Variants in EYA2 observed in about 807,000 individuals in gnomAD.
EYA2 encodes the protein EYA transcriptional coactivator and phosphatase 2.
A neutral mutation model predicts 69.2 loss-of-function variants in EYA2; 31 were observed. The observed-to-expected ratio is 0.45, with a 90% CI of 0.34 to 0.60. EYA2 has a LOEUF of 0.60. EYA2 is among the 20% of genes least tolerant of loss of function. The pLI is 0.02. For missense variants in EYA2, 622 were observed against 701.2 expected (o/e 0.89, Z 1.28); for synonymous variants, 257 against 279.4 (o/e 0.92, Z 0.80).
chr20:47,143,321 G>C (rs1332879827), intron 10 of EYA2, among the ~76,000 whole-genome samples, 173 bp downstream of exon 10: 1 of 152,162 alleles, frequency 6.6e-6, no homozygotes, highest in South Asian at 2.1e-4. Flanking sequence ...AACTGTGGCC[G>C]GTGATGGTTT....
chr20:47,010,487 T>C (rs1028833415), intron 4 of EYA2, among the ~76,000 whole-genome samples: 2 of 152,126 alleles, frequency 1.3e-5, no homozygotes, highest in Non-Finnish European at 2.9e-5. Flanking sequence ...CAAGAACTAC[T>C]GGGCGTGGTG....
In EYA2 at chr20:47,059,581, C is replaced by T. The variant is rs1240670491; in HGVS notation, c.416-12604C>T. On this transcript the variant is annotated intron_variant, in intron 5 of 15. Transcript: ENST00000327619. The stretch of plus-strand genomic sequence containing the variant: ...GGCCAGGCTGGTCTCGAACTCCTGA[C>T]CTCGTGATCCACCTGCCTTGGCCTC... 3.3e-5 allele frequency among the ~76,000 whole-genome samples: 5 copies of T among 152,332 alleles called. No individual in the cohort carries two copies. The East Asian group carries it at 9.6e-4, about 29-fold the overall frequency.
At chr20:47,027,182 G>A (rs1256078485) in intron 5 of EYA2, among the ~76,000 whole-genome samples, 1 of 152,220 alleles carries the variant, frequency 6.6e-6, no homozygotes, top group Non-Finnish European at 1.5e-5. Flanking sequence ...GTTGAGAGTG[G>A]AGCCCAGTGG....
Position 46,974,117 on chromosome 20 carries a change from A to G in EYA2, c.-10-15884A>G, listed in dbSNP as rs372048230. Among the ~76,000 whole-genome samples the G allele has an allele frequency of 6.6e-5, 10 of 152,262 alleles. No individual in the cohort carries two copies. The South Asian group carries it at 8.3e-4, about 13-fold the overall frequency. On this transcript the variant is annotated intron_variant, in intron 1 of 15. Transcript: ENST00000327619. ...ATCAGTAAAATGGGATTAAAGTTCT[A>G]TAGGGGCTATTGGGAAGATTAAGGG...
At chr20:47,173,746 C>T (rs1018034051) in intron 12 of EYA2, among the ~76,000 whole-genome samples, 8 of 152,130 alleles carry the variant, frequency 5.3e-5, no homozygotes, top group East Asian at 1.9e-4. Flanking sequence ...TTGACAAGCC[C>T]GCCAGGTGAC....
intron 1 of EYA2, among the ~76,000 whole-genome samples, chr20:46,925,663 A>T (rs966748444): frequency 1.3e-5 from 2 of 152,240 alleles, no homozygotes; most frequent in Non-Finnish European, 2.9e-5. Flanking sequence ...AAGTTTATGA[A>T]CATACTCTGC....
intron 5 of EYA2, among the ~76,000 whole-genome samples, chr20:47,018,311 A>C (rs1322497214): frequency 6.6e-6 from 1 of 152,202 alleles, no homozygotes; most frequent in East Asian, 1.9e-4. Flanking sequence ...TCATTCATTC[A>C]TTCATTCATT....
chr20:47,067,688 G>T (rs2031167873), intron 5 of EYA2, among the ~76,000 whole-genome samples: 1 of 152,100 alleles, frequency 6.6e-6, no homozygotes, highest in African/African-American at 2.4e-5. Context: ...TATCTTAAAT[G>T]ACTTTATTTA....
intron 10 of EYA2, among the ~76,000 whole-genome samples, chr20:47,165,217 G>T (rs183302549): frequency 2.0e-5 from 3 of 152,152 alleles, no homozygotes; most frequent in Admixed American, 6.5e-5. Flanking sequence ...GGGTATCATC[G>T]TGCTTGACTA....
Position 47,188,070 on chromosome 20 carries a change from G to A in EYA2, c.1554G>A (p.Trp518Ter). The change falls in exon 16 of 16, where the codon TGG becomes TGA. Residue 518 changes from tryptophan (W) to a stop codon, truncating the protein, a stop_gained. Coordinates refer to ENST00000327619, the MANE Select transcript of EYA2 (RefSeq NM_005244.5). LOFTEE classifies it high-confidence loss of function. ...QGAKKHNMPF[W>*]RISCHADLEA... ...TGTTTCAGCACAACATGCCTTTCTG[G>A]CGGATATCCTGCCACGCAGACCTGG... is the stretch of plus-strand genomic sequence containing the variant. 1 of 1,577,896 alleles carries A rather than the reference G, an allele frequency of 6.3e-7. No homozygotes were observed. The highest frequency in any genetic ancestry group is 8.6e-7 in the Non-Finnish European group (1 of 1,161,728).
At chr20:46,932,255 C>A (rs938958246) in intron 1 of EYA2, among the ~76,000 whole-genome samples, 4 of 152,084 alleles carry the variant, frequency 2.6e-5, no homozygotes, top group Non-Finnish European at 4.4e-5. Flanking sequence ...ACCTGGCGTA[C>A]CCTCTTTTAT....
intron 1 of EYA2, among the ~76,000 whole-genome samples, chr20:46,971,865 G>T (rs1158699193): frequency 6.6e-6 from 1 of 152,150 alleles, no homozygotes; most frequent in Non-Finnish European, 1.5e-5. Context: ...CATTTCGCTG[G>T]TACTCATTGC....
At position 47,152,112 on chromosome 20, in the gene EYA2, G is replaced by A. The variant is rs2033834383; in HGVS notation, c.978+8964G>A. Among the ~76,000 whole-genome samples, 3 of 152,096 alleles carry A rather than the reference G, an allele frequency of 2.0e-5. No homozygotes were observed. The South Asian group carries it at 6.3e-4, about 32-fold the overall frequency. The stretch of plus-strand genomic sequence containing the variant: ...TTCTCGACGAAGAGCTCAGATTCCT[G>A]CCAGCACTTAATTCTCACCTCCTAT... On this transcript the variant is annotated intron_variant, in intron 10 of 15. Transcript: ENST00000327619.
At chr20:46,938,139 T>C (rs2146259420) in intron 1 of EYA2, among the ~76,000 whole-genome samples, 1 of 152,320 alleles carries the variant, frequency 6.6e-6, no homozygotes, top group Non-Finnish European at 1.5e-5. Flanking sequence ...TCTCTTTTTC[T>C]CCCCAGCTCT....
intron 1 of EYA2, among the ~76,000 whole-genome samples, chr20:46,962,507 G>A (rs1979536552): frequency 6.6e-6 from 1 of 151,886 alleles, no homozygotes; most frequent in Non-Finnish European, 1.5e-5. Context: ...ATTCCACATA[G>A]GCCCAGGTGC....
chr20:47,173,932 C>T (rs1435529747), intron 12 of EYA2, among the ~76,000 whole-genome samples: 2 of 152,210 alleles, frequency 1.3e-5, no homozygotes, highest in Admixed American at 6.5e-5. Flanking sequence ...GAGACCCGCC[C>T]CCTGGCTTCA....
intron 1 of EYA2, among the ~76,000 whole-genome samples, chr20:46,912,153 C>T (rs557211541): frequency 6.6e-6 from 1 of 152,210 alleles, no homozygotes; most frequent in East Asian, 1.9e-4. Flanking sequence ...GACCAAATGA[C>T]CTCTGGATGT....
rs2034687158 is a variant in EYA2 at position 47,188,239 on chromosome 20, G to A, written c.*106G>A. ...ACCCAGATGTTGGACACCAGGAAGGGGCCCCACAGCCGAGACGACGTGTCC... is the reference window on the plus strand; with the variant it reads ...ACCCAGATGTTGGACACCAGGAAGGAGCCCCACAGCCGAGACGACGTGTCC... On this transcript the variant is annotated 3_prime_UTR_variant, in exon 16 of 16. Coordinates refer to ENST00000327619, the MANE Select transcript of EYA2 (RefSeq NM_005244.5). 8.9e-7 allele frequency: 1 copy of A among 1,125,394 alleles called. No homozygotes were observed. The highest frequency in any genetic ancestry group is 1.3e-5 in the South Asian group (1 of 74,248). 69.7% of individuals were successfully genotyped at this position (1,125,394 alleles called of 1,614,324 possible).
intron 9 of EYA2, among the ~76,000 whole-genome samples, chr20:47,141,983 C>T (rs1235452287): frequency 6.6e-6 from 1 of 152,166 alleles, no homozygotes; most frequent in African/African-American, 2.4e-5. Flanking sequence ...GACCCCATCA[C>T]ACATATGCAA....
Sources: allele counts gnomAD v4.1 joint callset (sites outside exome capture counted in the v4.1 genomes callset), GRCh38; gene constraint gnomAD v4.1.1; transcripts MANE v1.5; gene names NCBI Gene and HGNC (gene_info 2026-07-23, HGNC 2026-07-21).